Variants in DLGAP1 observed in about 807,000 individuals in gnomAD.
DLGAP1 encodes DLG associated protein 1.
A neutral mutation model predicts 90.8 loss-of-function variants in DLGAP1; 11 were observed. That is an observed-to-expected ratio of 0.12 (90% CI 0.08 to 0.20). The LOEUF (loss-of-function observed/expected upper bound fraction) is 0.20, where lower values mean the gene tolerates loss of function less well. Ranked by LOEUF, DLGAP1 falls within the 10% of genes least tolerant of loss-of-function variation. DLGAP1 has a pLI of 1.00. For synonymous variants in DLGAP1, 558 were observed against 540.7 expected (o/e 1.03, Z -0.44); for missense variants, 1,050 against 1,333.8 (o/e 0.79, Z 3.31).
chr18:4,171,262 G>A (rs1172756849), intron 1 of DLGAP1, among the ~76,000 whole-genome samples: 3 of 152,014 alleles, frequency 2.0e-5, no homozygotes, highest in African/African-American at 4.8e-5. Flanking sequence ...TTTGCCAGGC[G>A]CGGTGGCTCA....
In DLGAP1 at chr18:4,084,308, T is replaced by C. The variant is rs1359633396; in HGVS notation, c.-159+66872A>G. ...TTAACTATACTAAGGATTTTCCTTA[T>C]AGGAAAAATGATTGTTTACCATAAC... On this transcript the variant is annotated intron_variant, in intron 2 of 12. Transcript: ENST00000315677. The surrounding 1 kb of genome is among the most constrained non-coding windows in gnomAD (Gnocchi z 4.0). 2.0e-5 allele frequency among the ~76,000 whole-genome samples: 3 copies of C among 152,204 alleles called. No individual in the cohort carries two copies. The highest frequency in any genetic ancestry group is 6.5e-5 in the Admixed American group (1 of 15,284).
chr18:3,503,498 G>A (rs572638815), intron 11 of DLGAP1, among the ~76,000 whole-genome samples: 1 of 152,256 alleles, frequency 6.6e-6, no homozygotes, highest in East Asian at 1.9e-4. Flanking sequence ...CATACTCTTT[G>A]TTAATTACTA....
At chr18:3,782,294 G>A (rs932049145) in intron 5 of DLGAP1, among the ~76,000 whole-genome samples, 7 of 151,968 alleles carry the variant, frequency 4.6e-5, no homozygotes, top group South Asian at 4.1e-4. Flanking sequence ...GTGCCACCAC[G>A]CCTGGCTAAT....
intron 3 of DLGAP1, among the ~76,000 whole-genome samples, chr18:3,893,581 A>AAATAATAATAAT (rs57334634): frequency 2.1e-5 from 3 of 143,064 alleles, no homozygotes; most frequent in Admixed American, 7.0e-5. Flanking sequence ...CTCAATCTCA[A>AAATAATAATAAT]AATAATAATA....
At chr18:3,898,156 TC>T (rs1415299130) in intron 3 of DLGAP1, among the ~76,000 whole-genome samples, 1 of 152,190 alleles carries the variant, frequency 6.6e-6, no homozygotes, top group Admixed American at 6.5e-5. Context: ...TGGTTGAGCA[TC>T]CCAAATCTGA....
rs374462881 is a variant in DLGAP1, at chr18:4,360,578, GAA to G, written c.-267+94426_-267+94427del. ...GTTTGGAGAGGCTGGTGAGAAAAGT[GAA>G]GTCTATAATTCAGTGTTATGAATAC... On this transcript the variant is annotated intron_variant, in intron 1 of 12. Coordinates refer to ENST00000315677, the MANE Select transcript of DLGAP1 (RefSeq NM_004746.4). 9.8e-5 allele frequency among the ~76,000 whole-genome samples: 15 copies of G among 152,332 alleles called. No homozygotes were observed. The East Asian group carries it at 2.1e-3, about 22-fold the overall frequency.
At chr18:4,089,898 A>G (rs1229503398) in intron 2 of DLGAP1, among the ~76,000 whole-genome samples, 1 of 152,162 alleles carries the variant, frequency 6.6e-6, no homozygotes, top group Non-Finnish European at 1.5e-5. Flanking sequence ...ACAAAAAATT[A>G]GCCAGGTGCG....
chr18:4,158,667 T>C (rs1225964610), intron 1 of DLGAP1, among the ~76,000 whole-genome samples: 2 of 152,212 alleles, frequency 1.3e-5, no homozygotes, highest in Non-Finnish European at 2.9e-5. Context: ...AAGTTCCTAA[T>C]TCAAATTAAT....
chr18:3,930,637 T>C (rs117677078), intron 3 of DLGAP1, among the ~76,000 whole-genome samples: 6,293 of 152,164 alleles, frequency 0.041, 205 homozygotes, highest in South Asian at 0.11. Flanking sequence ...AGGTTCCAGG[T>C]GCTCCATGGG....
intron 1 of DLGAP1, among the ~76,000 whole-genome samples, chr18:4,303,551 A>G (rs1467275689): frequency 1.3e-5 from 2 of 152,184 alleles, no homozygotes; most frequent in Admixed American, 6.5e-5. Context: ...CAGCACCATC[A>G]AATTTTGATT....
intron 3 of DLGAP1, among the ~76,000 whole-genome samples, chr18:3,923,707 C>G (rs924153845): frequency 1.3e-5 from 2 of 152,128 alleles, no homozygotes; most frequent in Non-Finnish European, 2.9e-5. Flanking sequence ...CAATTTCTAT[C>G]GTGTGTCACT....
chr18:3,583,176 A>ACATT (rs1555688578), intron 7 of DLGAP1, among the ~76,000 whole-genome samples: 9 of 131,944 alleles, frequency 6.8e-5, no homozygotes, highest in African/African-American at 1.9e-4. Flanking sequence ...CTACCTACCT[A>ACATT]CCTACCTACC....
At chr18:4,050,498 C>G (rs1259280101) in intron 2 of DLGAP1, among the ~76,000 whole-genome samples, 1 of 152,062 alleles carries the variant, frequency 6.6e-6, no homozygotes, top group African/African-American at 2.4e-5. Flanking sequence ...ATAGTTTTAC[C>G]AAAGCCTAGA....
chr18:4,452,993 A>G (rs143308476), intron 1 of DLGAP1, among the ~76,000 whole-genome samples: 208 of 152,330 alleles, frequency 1.4e-3, no homozygotes, highest in Non-Finnish European at 2.5e-3. Flanking sequence ...AGAGAAATAG[A>G]TAGCTATAAA....
At chr18:3,840,924 C>T (rs752487980) in intron 4 of DLGAP1, among the ~76,000 whole-genome samples, 8 of 152,164 alleles carry the variant, frequency 5.3e-5, no homozygotes, top group Non-Finnish European at 1.2e-4. Context: ...TGACTGTGTG[C>T]GTCTGTGTTC....
intron 1 of DLGAP1, among the ~76,000 whole-genome samples, chr18:4,386,313 T>A (rs2082229581): frequency 6.6e-6 from 1 of 152,172 alleles, no homozygotes; most frequent in South Asian, 2.1e-4. Flanking sequence ...CAGAATAGTA[T>A]TCCATTTCTT....
Position 4,084,936 on chromosome 18 carries a change from G to C in DLGAP1, c.-159+66244C>G, listed in dbSNP as rs1240045176. Among the ~76,000 whole-genome samples the C allele has an allele frequency of 7.2e-6, 1 of 138,536 alleles. No individual in the cohort carries two copies. The highest frequency in any genetic ancestry group is 7.1e-5 in the Admixed American group (1 of 14,046). 90.9% of individuals were successfully genotyped at this position (138,536 alleles called of 152,430 possible). A position where few individuals can be genotyped will look rare whatever the true frequency, so the allele number is the denominator to read the frequency against. On this transcript the variant is annotated intron_variant, in intron 2 of 12. Transcript: ENST00000315677. The surrounding 1 kb of genome is among the most constrained non-coding windows in gnomAD (Gnocchi z 4.0). Reference sequence around the variant, plus strand: ...TTTATGATTGACTCTAAATCAAAGAGAGCATGCTGCAAGGAGCAGGCATCG... The same window carrying C: ...TTTATGATTGACTCTAAATCAAAGACAGCATGCTGCAAGGAGCAGGCATCG...
chr18:3,528,154 T>G (rs1003425610), intron 10 of DLGAP1, among the ~76,000 whole-genome samples: 1 of 152,186 alleles, frequency 6.6e-6, no homozygotes, highest in African/African-American at 2.4e-5. Context: ...TCAGGCACCC[T>G]GAAGAGAGGC....
chr18:4,128,710 G>T (rs1406480017), intron 2 of DLGAP1, among the ~76,000 whole-genome samples: 1 of 152,140 alleles, frequency 6.6e-6, no homozygotes, highest in Non-Finnish European at 1.5e-5. Context: ...GAGGATCCAA[G>T]TTAATACCCC....
Sources: allele counts gnomAD v4.1 joint callset (sites outside exome capture counted in the v4.1 genomes callset), GRCh38; gene constraint gnomAD v4.1.1; non-coding constraint Gnocchi (gnomAD v3.1); transcripts MANE v1.5; gene names NCBI Gene and HGNC (gene_info 2026-07-23, HGNC 2026-07-21).